Variants in CACNA1C observed in about 807,000 individuals in gnomAD.
CACNA1C encodes the protein voltage-dependent L-type calcium channel subunit alpha-1C.
In CACNA1C, 30 loss-of-function variants were observed where a neutral mutation model predicts 229.0. The ratio of observed to expected loss-of-function variants is 0.13; its 90% confidence interval spans 0.10 to 0.18. CACNA1C has a LOEUF of 0.18. CACNA1C is among the 10% of genes least tolerant of loss of function. The probability of loss-of-function intolerance (pLI) is 1.00; values close to 1 mark genes in which losing one functional copy is unlikely to be tolerated. For synonymous variants in CACNA1C, 1,114 were observed against 1,132.5 expected (o/e 0.98, Z 0.33); for missense variants, 1,658 against 2,845.0 (o/e 0.58, Z 9.49).
At chr12:2,154,417 C>G (rs2095446206) in intron 3 of CACNA1C, among the ~76,000 whole-genome samples, 1 of 152,248 alleles carries the variant, frequency 6.6e-6, no homozygotes, top group African/African-American at 2.4e-5. Context: ...TTCCTGCTCC[C>G]TGCCCCACTC....
chr12:2,648,078 C>G (rs1196481608), intron 30 of CACNA1C, among the ~76,000 whole-genome samples: 1 of 152,154 alleles, frequency 6.6e-6, no homozygotes, highest in African/African-American at 2.4e-5. Context: ...TTCAAGGCTG[C>G]AGTGAGCTGT....
At chr12:2,355,708 T>A (rs2097341905) in intron 3 of CACNA1C, among the ~76,000 whole-genome samples, 1 of 152,208 alleles carries the variant, frequency 6.6e-6, no homozygotes, top group African/African-American at 2.4e-5. Flanking sequence ...GGGGGCGATT[T>A]TACCACCTGG....
intron 1 of CACNA1C, among the ~76,000 whole-genome samples, chr12:2,057,278 C>CCG (rs1451607775): frequency 3.9e-5 from 6 of 152,242 alleles, no homozygotes; most frequent in Non-Finnish European, 8.8e-5. Flanking sequence ...CTAGTACAGG[C>CCG]CGCTGCTCAG....
In CACNA1C at chr12:2,354,190, C is replaced by T. The variant is rs985644742; in HGVS notation, c.478-94786C>T. 2.0e-5 allele frequency among the ~76,000 whole-genome samples: 3 copies of T among 152,152 alleles called. No homozygotes were observed. The highest frequency in any genetic ancestry group is 2.9e-5 in the Non-Finnish European group (2 of 68,012). Reference sequence around the variant, plus strand: ...ACCCCTTAACCCAGTGGAAGCCCCGCCTTTCATGTGGGCCCCGCACAGTTA... The same window carrying T: ...ACCCCTTAACCCAGTGGAAGCCCCGTCTTTCATGTGGGCCCCGCACAGTTA... On this transcript the variant is annotated intron_variant, in intron 3 of 46. Coordinates refer to ENST00000399655, the MANE Select transcript of CACNA1C (RefSeq NM_000719.7). The surrounding 1 kb of genome is among the most constrained non-coding windows in gnomAD (Gnocchi z 4.6).
rs181171611 is a variant in CACNA1C, at chr12:2,450,520, C to G, written c.617+1405C>G. ...AGTGAGCCGAGATCATGCCACTGCA[C>G]TCCAGCCTGGGCAACAGAGCGAGAC... On this transcript the variant is annotated intron_variant, in intron 4 of 46. Transcript: ENST00000399655. Among the ~76,000 whole-genome samples the G allele has an allele frequency of 4.5e-4, 60 of 134,740 alleles. 1 individual carries two copies. The South Asian group carries it at 0.013, about 30-fold the overall frequency. The allele number at this position is 134,740 out of a possible 152,430, so 88.4% of individuals were successfully genotyped here.
At position 2,688,541 on chromosome 12, in the gene CACNA1C, G is replaced by A. The variant is rs1456685654; in HGVS notation, c.5879G>A (p.Gly1960Asp). 6.2e-7 allele frequency: 1 copy of A among 1,613,938 alleles called. No homozygotes were observed. Among genetic ancestry groups the A allele is most frequent in the Non-Finnish European group, 8.5e-7 (1 of 1,179,840 alleles). ...TTTGCCACCCCACCAGCCACACCTG[G>A]CAGCCGAGGCTGGCCCCCACAGCCC... The part of the protein sequence containing the change: ...RPFATPPATP[G>D]SRGWPPQPVP... The change falls in exon 46 of 47, where the codon GGC (glycine) becomes GAC (aspartate). Residue 1960 changes from glycine (G) to aspartate (D), a missense_variant. Transcript: ENST00000399655.
At chr12:2,244,388 A>G (rs1360809636) in intron 3 of CACNA1C, among the ~76,000 whole-genome samples, 1 of 152,252 alleles carries the variant, frequency 6.6e-6, no homozygotes, top group Non-Finnish European at 1.5e-5. Context: ...ATCACTAGGC[A>G]GGGAAGGTCC....
In CACNA1C at chr12:2,665,719, A is replaced by G. The variant is rs1165906261; in HGVS notation, c.4526+11A>G. The G allele has an allele frequency of 3.7e-6, 6 of 1,609,862 alleles. No individual in the cohort carries two copies. Among genetic ancestry groups the G allele is most frequent in the Non-Finnish European group, 5.1e-6 (6 of 1,177,816 alleles). On this transcript the variant is annotated intron_variant, in intron 36 of 46. Transcript: ENST00000399655. The surrounding 1 kb of genome is among the most constrained non-coding windows in gnomAD (Gnocchi z 5.9). Reference sequence around the variant, plus strand: ...TGACCCTGAAGCCAAGTAAGTTCCCAGAGGGAAATCCTGATTCCCCAAGCT... The same window carrying G: ...TGACCCTGAAGCCAAGTAAGTTCCCGGAGGGAAATCCTGATTCCCCAAGCT...
chr12:2,235,002 A>G (rs2066776950), intron 3 of CACNA1C, among the ~76,000 whole-genome samples: 1 of 152,202 alleles, frequency 6.6e-6, no homozygotes, highest in African/African-American at 2.4e-5. Flanking sequence ...TGCTATGAAC[A>G]CATAGCCTTT....
intron 3 of CACNA1C, among the ~76,000 whole-genome samples, chr12:2,353,874 C>T (rs1191364098): frequency 2.6e-5 from 4 of 152,266 alleles, no homozygotes; most frequent in Middle Eastern, 3.4e-3. Flanking sequence ...GCTGGGAGCA[C>T]ACCTTCTGGT....
At chr12:2,582,723 T>C (rs866117005) in intron 14 of CACNA1C, 99 bp from the exon 15 acceptor site, 1 of 1,349,122 alleles carries the variant, frequency 7.4e-7, no homozygotes, top group Admixed American at 2.0e-5. Context: ...AAGGGAAATT[T>C]TGGACAATTT....
At chr12:2,207,280 T>C (rs1276092244) in intron 3 of CACNA1C, among the ~76,000 whole-genome samples, 3 of 152,232 alleles carry the variant, frequency 2.0e-5, no homozygotes, top group Non-Finnish European at 4.4e-5. Flanking sequence ...AGAGGTCATT[T>C]GTTTGGCCCC....
intron 6 of CACNA1C, among the ~76,000 whole-genome samples, chr12:2,491,706 A>G (rs894410870): frequency 1.3e-5 from 2 of 152,244 alleles, no homozygotes; most frequent in African/African-American, 2.4e-5. Flanking sequence ...AATCGGGCAT[A>G]TATTTTCAAG....
intron 3 of CACNA1C, among the ~76,000 whole-genome samples, chr12:2,291,332 G>C (rs2093479810): frequency 1.3e-5 from 2 of 152,150 alleles, no homozygotes; most frequent in African/African-American, 4.8e-5. Flanking sequence ...ATTTGCTCAA[G>C]GGCCCCTGGC....
chr12:2,450,908 G>T (rs2099363521), intron 4 of CACNA1C, among the ~76,000 whole-genome samples: 1 of 152,178 alleles, frequency 6.6e-6, no homozygotes, highest in African/African-American at 2.4e-5. Flanking sequence ...GGTCTTTACT[G>T]CAGGAAATGA....
At chr12:2,469,019 G>GC (rs2099575869) in intron 5 of CACNA1C, among the ~76,000 whole-genome samples, 1 of 152,146 alleles carries the variant, frequency 6.6e-6, no homozygotes, top group Non-Finnish European at 1.5e-5. Context: ...GTTTTGTTTT[G>GC]TTTTTTAATA....
rs191649706 is a variant in CACNA1C, at chr12:2,503,641, C to T, written c.1114-1201C>T. ...AAGCTGCCAGTGTGGTCAACGAACA[C>T]GGAGCTGGGAAGAGATGTGCACGGT... is the stretch of plus-strand genomic sequence containing the variant. On this transcript the variant is annotated intron_variant, in intron 7 of 46. Transcript: ENST00000399655. 1.1e-3 allele frequency among the ~76,000 whole-genome samples: 172 copies of T among 152,290 alleles called. 1 individual carries two copies. Among genetic ancestry groups the T allele is most frequent in the Non-Finnish European group, 1.8e-3 (122 of 68,020 alleles).
rs1555137398 is a variant in CACNA1C at position 2,080,272 on chromosome 12, C to CAAAAA, written c.49+26662_49+26666dup. ...GTGAGACCCTGTCTCAAACAAAAAA[C>CAAAAA]AAAAACAAAAAAAACAAATAAAATA... is the stretch of plus-strand genomic sequence containing the variant. On this transcript the variant is annotated intron_variant, in intron 1 of 46. Transcript: ENST00000399655. 5.7e-4 allele frequency among the ~76,000 whole-genome samples: 86 copies of CAAAAA among 150,608 alleles called. 1 individual carries two copies. Among genetic ancestry groups the CAAAAA allele is most frequent in the Middle Eastern group, 3.5e-3 (1 of 288 alleles).
At chr12:2,390,922 C>T (rs1326258141) in intron 3 of CACNA1C, among the ~76,000 whole-genome samples, 2 of 152,100 alleles carry the variant, frequency 1.3e-5, no homozygotes, top group African/African-American at 4.8e-5. Flanking sequence ...TGGAGAAGGC[C>T]AGAGTAGGAA....
Sources: gnomAD v4.1 joint callset for allele counts (sites outside exome capture counted in the v4.1 genomes callset) on GRCh38, gnomAD v4.1.1 for gene constraint, Gnocchi (gnomAD v3.1) non-coding constraint, MANE v1.5 for transcripts, NCBI Gene and HGNC (gene_info 2026-07-23, HGNC 2026-07-21) for gene names.